The following BBX variants were observed in gnomAD, a reference collection of about 807,000 sequenced individuals.
BBX encodes HMG box transcription factor BBX.
BBX carries 30 observed loss-of-function variants against 100.2 expected under a neutral mutation model. The ratio of observed to expected loss-of-function variants is 0.30; its 90% CI spans 0.22 to 0.41. The LOEUF (loss-of-function observed/expected upper bound fraction) is 0.41. Ranked by LOEUF, BBX falls within the 10% of genes least tolerant of loss-of-function variation. BBX has a pLI of 1.00. For synonymous variants in BBX, 376 were observed against 388.1 expected, an observed-to-expected ratio of 0.97 and a Z score of 0.37; for missense variants, 1,023 against 1,129.8, an observed-to-expected ratio of 0.91 and a Z score of 1.35.
At chr3:107,694,612 G>C (rs1259049942) in intron 3 of BBX, among the ~76,000 whole-genome samples, 4 of 148,294 alleles carry the variant, frequency 2.7e-5, no homozygotes, top group African/African-American at 1.0e-4. Flanking sequence ...TTTTATTGAG[G>C]ATTTTTGCAT....
Position 107,716,663 on chromosome 3 carries a change from TGAATCACCA to T in BBX, c.222_230del (p.Ser75_Glu77del). On this transcript the variant is annotated inframe_deletion, in exon 5 of 18. Coordinates refer to ENST00000325805, the MANE Select transcript of BBX (RefSeq NM_001142568.3). ...AAGATGTTGGTGAAACTGAAGATGA[TGAATCACCA>T]GAGCAGCGAGCCCGGAGACCAATGA... 1 of 1,613,834 alleles carries T rather than the reference TGAATCACCA, an allele frequency of 6.2e-7. No homozygotes were observed. Among genetic ancestry groups the T allele is most frequent in the South Asian group, 1.1e-5 (1 of 91,070 alleles).
At chr3:107,752,648 G>A (rs1288662642) in intron 9 of BBX, among the ~76,000 whole-genome samples, 1 of 152,106 alleles carries the variant, frequency 6.6e-6, no homozygotes, top group Admixed American at 6.6e-5. Flanking sequence ...TGTACCTCAT[G>A]TACTGTTGCA....
intron 13 of BBX, among the ~76,000 whole-genome samples, chr3:107,781,932 A>C (rs1460755615): frequency 6.6e-6 from 1 of 152,184 alleles, no homozygotes; most frequent in Non-Finnish European, 1.5e-5. Context: ...GAAAAGACAG[A>C]ATCCTCTGTT....
At chr3:107,745,790 T>A (rs2064534867) in intron 8 of BBX, among the ~76,000 whole-genome samples, 1 of 152,124 alleles carries the variant, frequency 6.6e-6, no homozygotes, top group Non-Finnish European at 1.5e-5. Context: ...ATAAACATGT[T>A]AAATAAGATT....
intron 7 of BBX, among the ~76,000 whole-genome samples, chr3:107,741,659 T>C (rs1194915105): frequency 6.6e-6 from 1 of 152,202 alleles, no homozygotes; most frequent in African/African-American, 2.4e-5. Flanking sequence ...GGCTCTAGCA[T>C]AGGAATAGAT....
At position 107,571,725 on chromosome 3, in the gene BBX, A is replaced by G. The variant is rs564986885; in HGVS notation, c.-84+45327A>G. ...TCGGCACCAAATGTCACGCGAGTCT[A>G]TGTGAAGAGACCACCAAACAGGCTT... On this transcript the variant is annotated intron_variant, in intron 2 of 17. Transcript: ENST00000325805. 4.6e-5 allele frequency among the ~76,000 whole-genome samples: 7 copies of G among 152,312 alleles called. No individual in the cohort carries two copies. In the East Asian group the frequency reaches 1.2e-3, roughly 25 times the overall value.
intron 2 of BBX, among the ~76,000 whole-genome samples, chr3:107,532,659 C>T (rs2048240120): frequency 6.6e-6 from 1 of 152,124 alleles, no homozygotes. Flanking sequence ...ACAGAAAATA[C>T]AGAAGACTAC....
chr3:107,648,134 A>T (rs530002710), intron 3 of BBX, among the ~76,000 whole-genome samples: 7 of 152,328 alleles, frequency 4.6e-5, no homozygotes, highest in African/African-American at 1.4e-4. Context: ...CACATAATGT[A>T]TTAAAGATTC....
intron 8 of BBX, among the ~76,000 whole-genome samples, chr3:107,747,295 C>A (rs949066187): frequency 2.6e-5 from 4 of 151,992 alleles, no homozygotes; most frequent in Admixed American, 2.6e-4. Context: ...GAAGAAAATG[C>A]TTTTCATATT....
chr3:107,767,848 T>G lies in BBX; in HGVS notation c.907-4780T>G, dbSNP rs556083570. Among the ~76,000 whole-genome samples, 3 of 152,046 alleles carry G rather than the reference T, an allele frequency of 2.0e-5. No homozygotes were observed. In the East Asian group the frequency reaches 5.8e-4, roughly 30 times the overall value. On this transcript the variant is annotated intron_variant, in intron 10 of 17. Coordinates refer to ENST00000325805, the MANE Select transcript of BBX (RefSeq NM_001142568.3). ...CCTATGTCCCCTGCTTCCACGTAGGTTCTACTAATGGGAGACACTGACAGG... is the reference window on the plus strand; with the variant it reads ...CCTATGTCCCCTGCTTCCACGTAGGGTCTACTAATGGGAGACACTGACAGG...
chr3:107,742,822 G>C (rs2064223968), intron 7 of BBX, among the ~76,000 whole-genome samples: 2 of 152,144 alleles, frequency 1.3e-5, no homozygotes, highest in South Asian at 4.1e-4. Flanking sequence ...TTTTATATAA[G>C]ACCATCCATC....
chr3:107,801,039 T>A, intron 16 of BBX, 56 bp from the exon 17 acceptor site: 1 of 1,531,144 alleles, frequency 6.5e-7, no homozygotes, highest in Non-Finnish European at 8.9e-7. Context: ...TTTCTATGTC[T>A]CTTCTCTGGA....
chr3:107,635,280 C>T (rs1237518224), intron 2 of BBX, among the ~76,000 whole-genome samples: 2 of 152,146 alleles, frequency 1.3e-5, no homozygotes, highest in African/African-American at 4.8e-5. Context: ...TGAAGCGAAA[C>T]ACTGTATTCC....
chr3:107,583,906 G>A (rs1211011663), intron 2 of BBX, among the ~76,000 whole-genome samples: 2 of 83,156 alleles, frequency 2.4e-5, no homozygotes, highest in Non-Finnish European at 4.4e-5. Flanking sequence ...AAAGTATAAA[G>A]TATAAATTAT....
At position 107,647,161 on chromosome 3, in the gene BBX, G is replaced by T. The variant is rs1344200477; in HGVS notation, c.-10+1252G>T. On this transcript the variant is annotated intron_variant, in intron 3 of 17. Coordinates refer to ENST00000325805, the MANE Select transcript of BBX (RefSeq NM_001142568.3). ...ATACAGTTAATTATGGTTTTACTGA[G>T]TCAGGAGTATAGACTATGGAATTTT... is the stretch of plus-strand genomic sequence containing the variant. 2.0e-5 allele frequency among the ~76,000 whole-genome samples: 3 copies of T among 152,054 alleles called. No individual in the cohort carries two copies. In the East Asian group the frequency reaches 5.8e-4, roughly 29 times the overall value.
chr3:107,588,616 C>G (rs1242902581), intron 2 of BBX, among the ~76,000 whole-genome samples: 5 of 152,134 alleles, frequency 3.3e-5, no homozygotes, highest in Non-Finnish European at 7.3e-5. Flanking sequence ...CTGCTTAACT[C>G]CTGTGTGCCT....
At chr3:107,788,550 A>G (rs1272267711) in intron 13 of BBX, among the ~76,000 whole-genome samples, 1 of 152,078 alleles carries the variant, frequency 6.6e-6, no homozygotes, top group Non-Finnish European at 1.5e-5. Context: ...TGGGAGGCCA[A>G]GGTGGGCGGA....
intron 2 of BBX, among the ~76,000 whole-genome samples, chr3:107,587,915 A>G (rs1380735703): frequency 6.6e-6 from 1 of 152,222 alleles, no homozygotes; most frequent in Non-Finnish European, 1.5e-5. Context: ...CAAGCTTTAG[A>G]CATAACATGG....
At chr3:107,779,010 TATATATATATACACAC>T (rs1399775379) in intron 13 of BBX, among the ~76,000 whole-genome samples, 1 of 71,742 alleles carries the variant, frequency 1.4e-5, no homozygotes, top group Non-Finnish European at 3.3e-5. Flanking sequence ...TATATATATA[TATATATATATACACAC>T]ACACACACAC....
Sources: gnomAD v4.1 joint callset for allele counts (sites outside exome capture counted in the v4.1 genomes callset) on GRCh38, gnomAD v4.1.1 for gene constraint, MANE v1.5 for transcripts, NCBI Gene and HGNC (gene_info 2026-07-23, HGNC 2026-07-21) for gene names.